Variants in SEMA6A observed in about 807,000 individuals in gnomAD.
SEMA6A encodes the protein semaphorin-6A.
Under a neutral mutation model 96.8 loss-of-function variants are expected in SEMA6A, and 25 were observed. The observed-to-expected ratio is 0.26, with a 90% confidence interval of 0.19 to 0.36. The LOEUF (loss-of-function observed/expected upper bound fraction) is 0.36, where lower values mean the gene tolerates loss of function less well. SEMA6A is among the 10% of genes least tolerant of loss of function. SEMA6A has a pLI of 1.00. For synonymous variants in SEMA6A, 612 were observed against 518.0 expected, an observed-to-expected ratio of 1.18 and a Z score of -2.46; for missense variants, 1,363 against 1,323.1, an observed-to-expected ratio of 1.03 and a Z score of -0.47.
At chr5:116,559,019 A>T (rs930699514) in intron 1 of SEMA6A, among the ~76,000 whole-genome samples, 1 of 152,216 alleles carries the variant, frequency 6.6e-6, no homozygotes, top group African/African-American at 2.4e-5. Flanking sequence ...CGATTTTTAC[A>T]TGAACAGATC....
chr5:116,484,356 C>T (rs866492674), intron 10 of SEMA6A, among the ~76,000 whole-genome samples: 1 of 152,122 alleles, frequency 6.6e-6, no homozygotes, highest in Non-Finnish European at 1.5e-5. Context: ...TTCTCTCCTT[C>T]GTTCCTTTCT....
At chr5:116,507,000 A>C (rs1028310861) in intron 1 of SEMA6A, among the ~76,000 whole-genome samples, 1 of 152,144 alleles carries the variant, frequency 6.6e-6, no homozygotes, top group African/African-American at 2.4e-5. Flanking sequence ...CCATCTTAAG[A>C]TTGCATGTGT....
At chr5:116,556,553 CT>C (rs1760613912) in intron 1 of SEMA6A, among the ~76,000 whole-genome samples, 1 of 152,132 alleles carries the variant, frequency 6.6e-6, no homozygotes, top group African/African-American at 2.4e-5. Context: ...AGTATTTCCC[CT>C]TTACAGATGA....
chr5:116,462,963 C>A (rs572051105), intron 18 of SEMA6A, among the ~76,000 whole-genome samples: 174 of 152,006 alleles, frequency 1.1e-3, no homozygotes, highest in Non-Finnish European at 1.7e-3. Context: ...AAATGTATTT[C>A]AAAGGGAAAC....
chr5:116,565,564 GT>G (rs1374726753), intron 1 of SEMA6A, among the ~76,000 whole-genome samples: 3 of 152,196 alleles, frequency 2.0e-5, no homozygotes, highest in Admixed American at 2.0e-4. Context: ...ATATACTTGA[GT>G]TTAGAATGCT....
intron 11 of SEMA6A, among the ~76,000 whole-genome samples, chr5:116,482,203 GT>G (rs1756814241): frequency 6.6e-6 from 1 of 152,110 alleles, no homozygotes; most frequent in East Asian, 1.9e-4. Context: ...ACCTCAGATG[GT>G]TTCCACCATT....
At chr5:116,449,498 TCACA>T in intron 18 of SEMA6A, 1 of 597,722 alleles carries the variant, frequency 1.7e-6, no homozygotes. Context: ...GTTGTCTTTG[TCACA>T]GCCGAGACCT....
At chr5:116,555,672 CAA>C (rs112890874) in intron 1 of SEMA6A, among the ~76,000 whole-genome samples, 1 of 142,804 alleles carries the variant, frequency 7.0e-6, no homozygotes. Flanking sequence ...GACCCCCCCT[CAA>C]AAAAAAAAAA....
intron 1 of SEMA6A, among the ~76,000 whole-genome samples, chr5:116,541,641 T>G (rs537478925): frequency 6.4e-4 from 97 of 152,280 alleles, no homozygotes; most frequent in African/African-American, 2.3e-3. Context: ...GAGACCAGCC[T>G]GGCCAACATG....
intron 18 of SEMA6A, among the ~76,000 whole-genome samples, chr5:116,450,269 T>C (rs1400874004): frequency 6.6e-6 from 1 of 152,146 alleles, no homozygotes; most frequent in Non-Finnish European, 1.5e-5. Flanking sequence ...TATTAGGTGT[T>C]TTTTTCATGG....
At chr5:116,502,611 G>C (rs893689354) in intron 2 of SEMA6A, 1 of 338,458 alleles carries the variant, frequency 3.0e-6, no homozygotes. Context: ...GGCTCAACTC[G>C]CTAGTGAACC....
At position 116,444,382 on chromosome 5, in the gene SEMA6A, C is replaced by A. The variant is rs1387768031; in HGVS notation, c.*2231G>T. ...ACTGATTATGGAGGCTCCACTTTTT[C>A]ACTATCCAACTCAAAACTGTCATTG... On this transcript the variant is annotated 3_prime_UTR_variant, in exon 19 of 19. Transcript: ENST00000343348. 1 of 152,202 alleles carries A rather than the reference C, an allele frequency of 6.6e-6. No homozygotes were observed. The highest frequency in any genetic ancestry group is 1.5e-5 in the Non-Finnish European group (1 of 68,036). 9.4% of individuals were successfully genotyped at this position (152,202 alleles called of 1,614,324 possible).
At chr5:116,500,967 C>T (rs1374546712) in intron 3 of SEMA6A, among the ~76,000 whole-genome samples, 7 of 152,198 alleles carry the variant, frequency 4.6e-5, no homozygotes, top group Middle Eastern at 3.4e-3. Context: ...GCTGAGATCG[C>T]GCCACTGCAC....
chr5:116,456,060 A>G (rs1001215337), intron 18 of SEMA6A, among the ~76,000 whole-genome samples: 2 of 152,220 alleles, frequency 1.3e-5, no homozygotes, highest in Non-Finnish European at 2.9e-5. Context: ...AGATTAGACT[A>G]TTTTAAGGCA....
chr5:116,488,782 C>G, intron 8 of SEMA6A, 106 bp downstream of exon 8: 2 of 1,292,774 alleles, frequency 1.5e-6, no homozygotes, highest in Non-Finnish European at 2.0e-6. Context: ...CTGTCAGAAG[C>G]CATTACTCAA....
intron 2 of SEMA6A, chr5:116,502,819 A>G (rs914922487): frequency 1.3e-5 from 2 of 156,096 alleles, no homozygotes; most frequent in African/African-American, 2.4e-5. Context: ...TACAGTCTCC[A>G]CAGGCGTCCA....
chr5:116,487,091 G>C, intron 9 of SEMA6A, 125 bp from the exon 10 acceptor site: 11 of 500,330 alleles, frequency 2.2e-5, no homozygotes, highest in South Asian at 3.2e-5. Context: ...TCTAAAATCA[G>C]TAACAAAAAA....
At chr5:116,491,713 G>T (rs755560790) in intron 7 of SEMA6A, 27 bp downstream of exon 7, 3 of 1,583,920 alleles carry the variant, frequency 1.9e-6, no homozygotes, top group Non-Finnish European at 2.6e-6. Context: ...AAAAGCAAGT[G>T]CAACGAGGAG....
chr5:116,544,823 G>A (rs1159801314), intron 1 of SEMA6A, among the ~76,000 whole-genome samples: 1 of 152,228 alleles, frequency 6.6e-6, no homozygotes, highest in East Asian at 1.9e-4. Context: ...GTTAAATATA[G>A]TGAACCCCAA....
Sources: allele counts gnomAD v4.1 joint callset (sites outside exome capture counted in the v4.1 genomes callset), GRCh38; gene constraint gnomAD v4.1.1; transcripts MANE v1.5; gene names NCBI Gene and HGNC (gene_info 2026-07-23, HGNC 2026-07-21).